TRPM4: variants seen among roughly 807,000 people sequenced by gnomAD.
TRPM4 encodes transient receptor potential cation channel subfamily M member 4, also known as calcium-activated non-selective cation channel 1.
In TRPM4, 124 loss-of-function variants were observed where a neutral mutation model predicts 135.6. The ratio of observed to expected loss-of-function variants is 0.91; its 90% confidence interval spans 0.79 to 1.06. The LOEUF (loss-of-function observed/expected upper bound fraction) is 1.06. Among genes scored for constraint, TRPM4 ranks in the 50% least tolerant of loss-of-function variants. TRPM4 has a pLI of 0.00. For missense variants in TRPM4, 1,658 were observed against 1,671.4 expected, an observed-to-expected ratio of 0.99 and a Z score of 0.14; for synonymous variants, 745 against 705.6, an observed-to-expected ratio of 1.06 and a Z score of -0.88.
At chr19:49,195,839 A>T (rs1968612012) in intron 16 of TRPM4, among the ~76,000 whole-genome samples, 1 of 150,480 alleles carries the variant, frequency 6.6e-6, no homozygotes, top group Admixed American at 6.6e-5. Flanking sequence ...GCTTGCCCCT[A>T]CTACTGGCTA....
rs1969232940 is a variant in TRPM4, at chr19:49,208,492, A to G, written c.3132-1717A>G. On this transcript the variant is annotated intron_variant, in intron 20 of 24. Transcript: ENST00000252826. The stretch of plus-strand genomic sequence containing the variant: ...CCCTCTGGTGGCCCTGTCCAGGAAT[A>G]ACAGAAGGCTCACACTCTGTCTTCT... Among the ~76,000 whole-genome samples, 5 of 151,710 alleles carry G rather than the reference A, an allele frequency of 3.3e-5. 1 individual carries two copies. The South Asian group carries it at 1.0e-3, about 32-fold the overall frequency.
rs781649776 is a variant in TRPM4 at position 49,210,766 on chromosome 19, AAGG to A, written c.3388_3390del (p.Glu1130del). 4.3e-6 allele frequency: 7 copies of A among 1,614,106 alleles called. No individual in the cohort carries two copies. In the South Asian group the frequency reaches 6.6e-5, roughly 15 times the overall value. On this transcript the variant is annotated inframe_deletion, in exon 22 of 25. Transcript: ENST00000252826. This position sits in a 1 kb window ranked among gnomAD's most constrained non-coding sequence, Gnocchi z 4.1. ...GCTGCTAACGTGGGAATCGGTGCAT[AAGG>A]AGAACTTTCTGCTGGCACGCGCTAG...
rs751236195 is a variant in TRPM4 at position 49,168,014 on chromosome 19, T to G, written c.365T>G (p.Leu122Arg). Residue 122 changes from leucine to arginine, a missense_variant, in exon 4 of 25, where the codon CTG (leucine) becomes CGG (arginine). Transcript: ENST00000252826. ...GCCCCGAACCTGGTGGTGTCAGTGC[T>G]GGGGGGATCGGGGGGCCCCGTCCTC... ...FRAPNLVVSVLGGSGGPVLQT... is the reference protein window; with the variant it reads ...FRAPNLVVSVRGGSGGPVLQT... 2 of 1,613,676 alleles carry G rather than the reference T, an allele frequency of 1.2e-6. No individual in the cohort carries two copies.
Position 49,168,695 on chromosome 19 carries a change from G to A in TRPM4, c.755G>A (p.Arg252His), listed in dbSNP as rs146564314. Residue 252 changes from arginine to histidine, a missense_variant, in exon 6 of 25, where the codon CGC becomes CAC. This residue lies in a region of TRPM4 where 1,412 missense variants were observed against 1,408.7 expected (regional missense o/e 1.00). Coordinates refer to ENST00000252826, the MANE Select transcript of TRPM4 (RefSeq NM_017636.4). ...GGGGGCGAGAACCGCTTCCGCTTGC[G>A]CCTGGAGTCCTACATCTCACAGCAG... ...CLGGENRFRL[R>H]LESYISQQKT... 5.5e-3 allele frequency: 8,840 copies of A among 1,608,374 alleles called. 29 individuals carry two copies. The highest frequency in any genetic ancestry group is 6.4e-3 in the Non-Finnish European group (7,501 of 1,178,056).
chr19:49,172,475 T>G (rs1417421793), intron 9 of TRPM4, among the ~76,000 whole-genome samples: 62 of 141,452 alleles, frequency 4.4e-4, no homozygotes, highest in Middle Eastern at 4.1e-3. Flanking sequence ...TCCTGAGAAT[T>G]CCATCCGCTC....
intron 19 of TRPM4, 72 bp downstream of exon 19, chr19:49,200,857 G>T: frequency 6.6e-7 from 1 of 1,526,416 alleles, no homozygotes. Context: ...TGTCCTCCTG[G>T]CTCTAAGAAA....
At chr19:49,200,831 C>A in intron 19 of TRPM4, 46 bp downstream of exon 19, 1 of 1,600,624 alleles carries the variant, frequency 6.2e-7, no homozygotes, top group Admixed American at 1.7e-5. Context: ...GTCTCTGTCC[C>A]CGCTCCCTGG....
At chr19:49,200,148 G>C in intron 17 of TRPM4, 152 bp from the exon 18 acceptor site, 1 of 1,171,304 alleles carries the variant, frequency 8.5e-7, no homozygotes, top group Non-Finnish European at 1.3e-6. Context: ...GCTTGGTACT[G>C]AATAAATTTG....
In TRPM4 at chr19:49,171,451, G is replaced by C. The variant is rs758849474; in HGVS notation, c.858+33G>C. The C allele has an allele frequency of 3.7e-6, 6 of 1,613,872 alleles. No individual in the cohort carries two copies. The highest frequency in any genetic ancestry group is 3.3e-5 in the South Asian group (3 of 91,066). On this transcript the variant is annotated intron_variant, in intron 7 of 24. Transcript: ENST00000252826. The surrounding 1 kb of genome is among the most constrained non-coding windows in gnomAD (Gnocchi z 4.7). ...GGCCCGGATGCCCGGATCTAAGGGG[G>C]AAGGAGGGTTGGGGGCCAGGACTCC...
chr19:49,179,327 T>G (rs909845936), intron 9 of TRPM4, among the ~76,000 whole-genome samples: 2 of 151,776 alleles, frequency 1.3e-5, no homozygotes, highest in Non-Finnish European at 2.9e-5. Context: ...GGTGTTGGGA[T>G]TACAGGCATG....
chr19:49,196,977 G>C, intron 17 of TRPM4, 103 bp downstream of exon 17: 1 of 1,201,016 alleles, frequency 8.3e-7, no homozygotes, highest in East Asian at 2.6e-5. Context: ...CTGGGCAGCA[G>C]GTCAAGCCAA....
chr19:49,165,821 G>A (rs530933196), intron 2 of TRPM4, among the ~76,000 whole-genome samples: 1 of 152,278 alleles, frequency 6.6e-6, no homozygotes, highest in South Asian at 2.1e-4. Flanking sequence ...CAGGCTTTCT[G>A]GACTCACTGG....
chr19:49,181,507 G>T, intron 10 of TRPM4, 46 bp downstream of exon 10: 3 of 1,215,210 alleles, frequency 2.5e-6, no homozygotes, highest in Non-Finnish European at 3.6e-6. Context: ...CAAAGGGACT[G>T]TGCTGTCCTC....
chr19:49,209,815 C>G (rs1969281222), intron 20 of TRPM4, among the ~76,000 whole-genome samples: 2 of 141,480 alleles, frequency 1.4e-5, no homozygotes, highest in South Asian at 4.5e-4. Context: ...GTGGCACGAT[C>G]TCAGCTCACT....
intron 20 of TRPM4, among the ~76,000 whole-genome samples, chr19:49,205,353 T>G (rs1466783413): frequency 6.6e-6 from 1 of 152,084 alleles, no homozygotes; most frequent in Non-Finnish European, 1.5e-5. Flanking sequence ...GCTTTCATCT[T>G]CCAGATTTCC....
rs374402524 is a variant in TRPM4 at position 49,167,887 on chromosome 19, C to T, written c.268-30C>T. 1.2e-5 allele frequency: 19 copies of T among 1,607,634 alleles called. 4 individuals carry two copies. The highest frequency in any genetic ancestry group is 1.5e-5 in the Non-Finnish European group (18 of 1,175,060). On this transcript the variant is annotated intron_variant, in intron 3 of 24. Transcript: ENST00000252826. ...GTCTCTCTGGGTCTCTGTCCCCCTC[C>T]CTGTGTGCCCCGCTCCCATGTGTCC...
chr19:49,196,711 G>C lies in TRPM4; in HGVS notation c.2482G>C (p.Glu828Gln). Residue 828 changes from glutamate to glutamine, a missense_variant, in exon 17 of 25, where the codon GAA (glutamate) becomes CAA (glutamine). Transcript: ENST00000252826. ...YFWAFTLLCE[E>Q]LRQGLSGGGG... is the part of the protein sequence containing the mutation. ...CTGGGCTTTCACGCTGCTGTGCGAG[G>C]AACTGCGCCAGGGCCTGAGCGGAGG... 6.4e-7 allele frequency: 1 copy of C among 1,552,536 alleles called. No homozygotes were observed.
At position 49,210,327 on chromosome 19, in the gene TRPM4, C is replaced by T. The variant is rs762933667; in HGVS notation, c.3250C>T (p.His1084Tyr). 2.5e-6 allele frequency: 4 copies of T among 1,614,116 alleles called. No homozygotes were observed. In the East Asian group the frequency reaches 8.9e-5, roughly 36 times the overall value. ...GGCCCCGCCCTTTATCGTCATCTCC[C>T]ACTTGCGCCTCCTGCTCAGGCAATT... ...ALAPPFIVIS[H>Y]LRLLLRQLCR... The change falls in exon 21 of 25, where the codon CAC becomes TAC. Residue 1084 changes from histidine (H) to tyrosine (Y), a missense_variant. Around this residue, in one of 3 missense-constraint regions of TRPM4, gnomAD observed 1,412 missense variants for 1,408.7 expected, o/e 1.00. Coordinates refer to ENST00000252826, the MANE Select transcript of TRPM4 (RefSeq NM_017636.4). The surrounding 1 kb of genome is among the most constrained non-coding windows in gnomAD (Gnocchi z 4.1).
intron 12 of TRPM4, among the ~76,000 whole-genome samples, chr19:49,184,551 C>A (rs1374954634): frequency 6.7e-6 from 1 of 148,490 alleles, no homozygotes; most frequent in East Asian, 2.0e-4. Context: ...AGCTCTGCCT[C>A]CTGGGTTCAC....
Sources: gnomAD v4.1 joint callset for allele counts (sites outside exome capture counted in the v4.1 genomes callset) on GRCh38, gnomAD v4.1.1 for gene constraint, gnomAD v4.1.1 regional missense constraint, Gnocchi (gnomAD v3.1) non-coding constraint, MANE v1.5 for transcripts, NCBI Gene and HGNC (gene_info 2026-07-23, HGNC 2026-07-21) for gene names.